The following GSDMA variants were observed in gnomAD, a reference collection of about 807,000 sequenced individuals.
GSDMA encodes gasdermin A.
In GSDMA, 55 loss-of-function variants were observed where a neutral mutation model predicts 54.3. The ratio of observed to expected loss-of-function variants is 1.01; its 90% CI spans 0.82 to 1.27. GSDMA has a LOEUF of 1.27. Ranked by LOEUF, GSDMA falls within the 50% of genes most tolerant of loss-of-function variation. The pLI, the probability that GSDMA is intolerant of heterozygous loss-of-function variation, is 0.00. For synonymous variants in GSDMA, 211 were observed against 224.7 expected (o/e 0.94, Z 0.54); for missense variants, 542 against 542.6 (o/e 1.00, Z 0.01).
chr17:39,971,651 A>G (rs370438157), intron 5 of GSDMA, 31 bp downstream of exon 5: 1 of 1,534,968 alleles, frequency 6.5e-7, no homozygotes, highest in African/African-American at 1.4e-5. Context: ...TCTCCCCACA[A>G]GATGAGAATT....
rs1395354028 is a variant in GSDMA at position 39,966,452 on chromosome 17, G to A, written c.392+15G>A. On this transcript the variant is annotated intron_variant, in intron 3 of 11. Coordinates refer to ENST00000301659, the MANE Select transcript of GSDMA (RefSeq NM_178171.5). Reference sequence around the variant, plus strand: ...GTGCAGGAGAGGTGAGAGTGGGCGGGACTGAGGGTCTCCCGGGATGTGGGT... The same window carrying A: ...GTGCAGGAGAGGTGAGAGTGGGCGGAACTGAGGGTCTCCCGGGATGTGGGT... 2.5e-6 allele frequency: 4 copies of A among 1,581,028 alleles called. No homozygotes were observed. Among genetic ancestry groups the A allele is most frequent in the Non-Finnish European group, 3.4e-6 (4 of 1,166,574 alleles).
Position 39,977,099 on chromosome 17 carries a change from C to T in GSDMA, c.*41C>T. On this transcript the variant is annotated 3_prime_UTR_variant, in exon 12 of 12. Coordinates refer to ENST00000301659, the MANE Select transcript of GSDMA (RefSeq NM_178171.5). Reference sequence around the variant, plus strand: ...TGCTTCATGACTCCCTAATGCCTTCCCAACCTCGTGGTGCTGTGTCCTTAC... The same window carrying T: ...TGCTTCATGACTCCCTAATGCCTTCTCAACCTCGTGGTGCTGTGTCCTTAC... 4 of 1,607,740 alleles carry T rather than the reference C, an allele frequency of 2.5e-6. No individual in the cohort carries two copies. Among genetic ancestry groups the T allele is most frequent in the Non-Finnish European group, 3.4e-6 (4 of 1,175,890 alleles).
chr17:39,969,015 A>G (rs1979807076), intron 3 of GSDMA, among the ~76,000 whole-genome samples: 2 of 152,152 alleles, frequency 1.3e-5, no homozygotes, highest in Admixed American at 1.3e-4. Flanking sequence ...AGCTCAGGAA[A>G]GAGGTCAAAG....
intron 4 of GSDMA, among the ~76,000 whole-genome samples, chr17:39,970,873 G>A (rs773772119): frequency 2.6e-5 from 4 of 152,158 alleles, no homozygotes; most frequent in African/African-American, 7.2e-5. Context: ...AGATCCCTGC[G>A]CCAGATGCCA....
intron 3 of GSDMA, among the ~76,000 whole-genome samples, chr17:39,969,093 C>G (rs3894193): frequency 0.43 from 65,446 of 151,862 alleles, 14,534 homozygotes; most frequent in Admixed American, 0.53. Context: ...AGGAGTCTCA[C>G]TCCCGTAAGC....
intron 11 of GSDMA, among the ~76,000 whole-genome samples, chr17:39,976,376 T>C (rs2144799967): frequency 1.3e-5 from 2 of 151,802 alleles, no homozygotes; most frequent in South Asian, 4.2e-4. Flanking sequence ...CCTCCCGGGT[T>C]CAAGCGATTC....
chr17:39,974,851 T>C (rs780677355), intron 9 of GSDMA, 49 bp from the exon 10 acceptor site: 1 of 1,018,164 alleles, frequency 9.8e-7, no homozygotes, highest in South Asian at 1.4e-5. Context: ...GGCCCTGGGT[T>C]GGGCCCTTTC....
rs1439738415 is a variant in GSDMA at position 39,974,158 on chromosome 17, GGGGTAGAGCAT to G, written c.752-109_752-99del. On this transcript the variant is annotated intron_variant, in intron 8 of 11. Coordinates refer to ENST00000301659, the MANE Select transcript of GSDMA (RefSeq NM_178171.5). ...AAAAATGGGGCCAGGCTCAAACTGG[GGGGTAGAGCAT>G]GGGTACCTAAAGGGGGCTGAGTGTA... 3.6e-6 allele frequency: 4 copies of G among 1,102,932 alleles called. No individual in the cohort carries two copies. In the Admixed American group the frequency reaches 8.6e-5, roughly 24 times the overall value. The allele number at this position is 1,102,932 out of a possible 1,614,324, so 68.3% of individuals were successfully genotyped here. A position where few individuals can be genotyped will look rare whatever the true frequency, so the allele number is the denominator to read the frequency against.
chr17:39,965,163 GGGAA>G (rs571558491), intron 1 of GSDMA, among the ~76,000 whole-genome samples: 1 of 146,650 alleles, frequency 6.8e-6, no homozygotes, highest in African/African-American at 2.6e-5. Flanking sequence ...GCGAGGTGGA[GGGAA>G]GGAAGGAAGG....
chr17:39,967,829 C>A (rs918947530), intron 3 of GSDMA, among the ~76,000 whole-genome samples: 2 of 151,812 alleles, frequency 1.3e-5, no homozygotes, highest in African/African-American at 2.4e-5. Context: ...CCCGCCACTA[C>A]GCCCGGATAA....
chr17:39,974,235 C>T, intron 8 of GSDMA, 38 bp from the exon 9 acceptor site: 1 of 1,570,308 alleles, frequency 6.4e-7, no homozygotes, highest in Non-Finnish European at 8.6e-7. Context: ...AGGAAGGTGC[C>T]CGATGGAGGG....
At chr17:39,970,773 T>C in intron 4 of GSDMA, 126 bp downstream of exon 4, 6 of 816,096 alleles carry the variant, frequency 7.4e-6, no homozygotes, top group Non-Finnish European at 8.1e-6. Context: ...CCACCGAGGA[T>C]GCTGAAAAGG....
intron 3 of GSDMA, among the ~76,000 whole-genome samples, chr17:39,968,115 C>T (rs1979752535): frequency 6.6e-6 from 1 of 151,992 alleles, no homozygotes; most frequent in Non-Finnish European, 1.5e-5. Context: ...CCTCGGCCTC[C>T]CAAAGTTCTG....
chr17:39,966,289 A>T lies in GSDMA; in HGVS notation c.244A>T (p.Lys82Ter). 1 of 1,613,904 alleles carries T rather than the reference A, an allele frequency of 6.2e-7. No individual in the cohort carries two copies. The highest frequency in any genetic ancestry group is 8.5e-7 in the Non-Finnish European group (1 of 1,179,888). Residue 82 changes from lysine (K) to a stop codon, truncating the protein, a stop_gained, in exon 3 of 12, where the codon AAG (lysine) becomes TAG (stop). Transcript: ENST00000301659. LOFTEE classifies it high-confidence loss of function. ...AACAGACACTGGGAATTTTGGCTTT[A>T]AGAATATGCTGGACACCCGAGTGGA... ...DPTDTGNFGF[K>*]NMLDTRVEGD...
chr17:39,965,414 T>C, intron 1 of GSDMA: 1 of 464,998 alleles, frequency 2.2e-6, no homozygotes, highest in Non-Finnish European at 3.9e-6. Context: ...AAAAATGCCC[T>C]TGACAAAGAA....
Position 39,976,859 on chromosome 17 carries a change from G to GTGTTTTC in GSDMA, c.1140_1146dup (p.Pro383CysfsTer7). On this transcript the variant is annotated frameshift_variant, in exon 12 of 12. Transcript: ENST00000301659. LOFTEE classifies it high-confidence loss of function. ...CAGAACTTCCTGCTGGATAAAGAGG[G>GTGTTTTC]TGTTTTCCCCCTGCAACCTGAGCTG... is the stretch of plus-strand genomic sequence containing the variant. 6.2e-7 allele frequency: 1 copy of GTGTTTTC among 1,613,958 alleles called. No homozygotes were observed. Among genetic ancestry groups the GTGTTTTC allele is most frequent in the Non-Finnish European group, 8.5e-7 (1 of 1,179,878 alleles).
In GSDMA at chr17:39,972,111, C is replaced by G; in HGVS notation, c.656-18C>G. 7.8e-7 allele frequency: 1 copy of G among 1,278,812 alleles called. No homozygotes were observed. Among genetic ancestry groups the G allele is most frequent in the Non-Finnish European group, 1.1e-6 (1 of 884,972 alleles). The allele number at this position is 1,278,812 out of a possible 1,614,324, so 79.2% of individuals were successfully genotyped here. On this transcript the variant is annotated intron_variant, in intron 5 of 11. Coordinates refer to ENST00000301659, the MANE Select transcript of GSDMA (RefSeq NM_178171.5). The stretch of plus-strand genomic sequence containing the variant: ...GCTGCTAAGTGTCCTCCCACCCTCC[C>G]TCCCTTGCCCTTCACAGATATTCCA...
rs1275016558 is a variant in GSDMA, at chr17:39,977,287, CTTTTCTTT to C, written c.*234_*241del. 7,581 of 295,330 alleles carry C rather than the reference CTTTTCTTT, an allele frequency of 0.026. 32 individuals are homozygous for C. Among genetic ancestry groups the C allele is most frequent in the South Asian group, 0.056 (1,025 of 18,340 alleles). The allele number at this position is 295,330 out of a possible 1,614,324, so 18.3% of individuals were successfully genotyped here. ...TGATGCTTAAATTTTCTTTACTTTT[CTTTTCTTT>C]TTTTTTTTTTTTTTGAGATGGAGGC... On this transcript the variant is annotated 3_prime_UTR_variant, in exon 12 of 12. Transcript: ENST00000301659.
chr17:39,973,770 G>C (rs1009768088), intron 7 of GSDMA, 40 bp from the exon 8 acceptor site: 1 of 1,580,268 alleles, frequency 6.3e-7, no homozygotes, highest in African/African-American at 1.4e-5. Flanking sequence ...CCATTCTGAA[G>C]GATTGCATTC....
Sources: gnomAD v4.1 joint callset for allele counts (sites outside exome capture counted in the v4.1 genomes callset) on GRCh38, gnomAD v4.1.1 for gene constraint, MANE v1.5 for transcripts, NCBI Gene and HGNC (gene_info 2026-07-23, HGNC 2026-07-21) for gene names.